The following BLTP3B variants were observed in gnomAD, a reference collection of about 807,000 sequenced individuals.
BLTP3B encodes UHRF1 (ICBP90) binding protein 1-like.
At chr12:100,099,574 T>C in the BLTP3B span, among the ~76,000 whole-genome samples, 2 of 149,916 alleles carry the variant, frequency 1.3e-5, no homozygotes, top group Non-Finnish European at 3.0e-5. Flanking sequence ...CAGACAGATC[T>C]CGTATCCGTA....
the BLTP3B span, among the ~76,000 whole-genome samples, chr12:100,116,887 A>G: frequency 2.6e-5 from 4 of 152,246 alleles, no homozygotes; most frequent in African/African-American, 9.6e-5. Context: ...TGAGTGTAGC[A>G]ATGTTGCAGG....
the BLTP3B span, chr12:100,103,933 T>G: frequency 6.2e-7 from 1 of 1,601,650 alleles, no homozygotes; most frequent in Non-Finnish European, 8.5e-7. Context: ...GGATGTGTTT[T>G]CAGTTTTGTC....
chr12:100,098,453 C>G, the BLTP3B span: 1 of 1,613,996 alleles, frequency 6.2e-7, no homozygotes, highest in South Asian at 1.1e-5. Context: ...TCAAATGATG[C>G]ATTGAAGGCT....
chr12:100,096,951 G>T, the BLTP3B span, among the ~76,000 whole-genome samples: 1 of 152,112 alleles, frequency 6.6e-6, no homozygotes, highest in Non-Finnish European at 1.5e-5. Flanking sequence ...CATAGTGGGC[G>T]TGCCTATTGT....
chr12:100,072,750 G>A, the BLTP3B span: 16,923 of 1,607,824 alleles, frequency 0.011, 102 homozygotes, highest in Non-Finnish European at 0.013. Flanking sequence ...GGAAGATATA[G>A]GGATTTTTTA....
the BLTP3B span, chr12:100,059,585 G>A: frequency 6.7e-7 from 1 of 1,497,636 alleles, no homozygotes; most frequent in Non-Finnish European, 8.9e-7. Context: ...CATACATCTT[G>A]AAGATAAAAG....
chr12:100,121,033 A>T, the BLTP3B span, among the ~76,000 whole-genome samples: 1 of 152,200 alleles, frequency 6.6e-6, no homozygotes, highest in Non-Finnish European at 1.5e-5. Context: ...GAAAAAATGC[A>T]TATTTATATA....
the BLTP3B span, among the ~76,000 whole-genome samples, chr12:100,105,751 G>A: frequency 1.3e-5 from 2 of 151,816 alleles, no homozygotes; most frequent in Non-Finnish European, 2.9e-5. Flanking sequence ...GACAACCTAC[G>A]GATTGTCAAT....
the BLTP3B span, among the ~76,000 whole-genome samples, chr12:100,069,469 T>C: frequency 6.6e-6 from 1 of 152,024 alleles, no homozygotes; most frequent in South Asian, 2.1e-4. Flanking sequence ...TGTGTATATA[T>C]ATGTATATAC....
chr12:100,047,718 TTA>T, the BLTP3B span: 3 of 1,165,930 alleles, frequency 2.6e-6, no homozygotes, highest in South Asian at 1.3e-5. Flanking sequence ...ACATGTATCT[TTA>T]TATGTTTCAG....
the BLTP3B span, among the ~76,000 whole-genome samples, chr12:100,141,862 G>T: frequency 6.6e-6 from 1 of 151,870 alleles, no homozygotes; most frequent in Admixed American, 6.6e-5. Context: ...CATGTCTTGG[G>T]TTTAATCACC....
At chr12:100,097,420 G>C in the BLTP3B span, 1 of 1,613,484 alleles carries the variant, frequency 6.2e-7, no homozygotes, top group Non-Finnish European at 8.5e-7. Context: ...TCGAACAGGA[G>C]CACACATAAT....
chr12:100,064,013 A>G, the BLTP3B span, among the ~76,000 whole-genome samples: 1 of 152,230 alleles, frequency 6.6e-6, no homozygotes, highest in East Asian at 1.9e-4. Context: ...AAAAAGGCAA[A>G]GCCCAATGTA....
the BLTP3B span, among the ~76,000 whole-genome samples, chr12:100,050,603 T>G: frequency 6.6e-6 from 1 of 152,102 alleles, no homozygotes; most frequent in Non-Finnish European, 1.5e-5. Context: ...CAGGAGGGCT[T>G]AAAAGAAACC....
the BLTP3B span, chr12:100,047,550 T>C: frequency 6.2e-7 from 1 of 1,611,104 alleles, no homozygotes; most frequent in Non-Finnish European, 8.5e-7. Flanking sequence ...AAAAGAGCCA[T>C]CGTCACTTCT....
chr12:100,060,033 G>A, the BLTP3B span: 2 of 1,593,568 alleles, frequency 1.3e-6, no homozygotes, highest in African/African-American at 2.7e-5. Flanking sequence ...TATAGAGGTT[G>A]GGAGATGGAA....
the BLTP3B span, among the ~76,000 whole-genome samples, chr12:100,096,129 T>G: frequency 1.3e-5 from 2 of 151,954 alleles, no homozygotes; most frequent in African/African-American, 4.8e-5. Flanking sequence ...GGCGGACACC[T>G]GTGTAATCCC....
the BLTP3B span, among the ~76,000 whole-genome samples, chr12:100,044,145 G>C: frequency 6.6e-6 from 1 of 151,834 alleles, no homozygotes; most frequent in African/African-American, 2.4e-5. Context: ...TAACACATTT[G>C]GGAAAGAGGG....
chr12:100,082,950 AT>A, the BLTP3B span: 1 of 1,154,518 alleles, frequency 8.7e-7, no homozygotes, highest in South Asian at 1.4e-5. Context: ...AGCATTTGTT[AT>A]TTAAGTTGCT....
Sources: gnomAD v4.1 joint callset for allele counts (sites outside exome capture counted in the v4.1 genomes callset) on GRCh38, gnomAD v4.1.1 for gene constraint, MANE v1.5 for transcripts, NCBI Gene and HGNC (gene_info 2026-07-23, HGNC 2026-07-21) for gene names.